The following SIK3 variants were observed in gnomAD, a reference collection of about 807,000 sequenced individuals.
SIK3 encodes SIK family kinase 3, also known as serine/threonine-protein kinase SIK3.
In SIK3, 28 loss-of-function variants were observed where a neutral mutation model predicts 144.2. The observed-to-expected ratio is 0.19, with a 90% CI of 0.14 to 0.27. The LOEUF (loss-of-function observed/expected upper bound fraction) is 0.27, where lower values mean the gene tolerates loss of function less well. Ranked by LOEUF, SIK3 falls within the 10% of genes least tolerant of loss-of-function variation. The pLI is 1.00. For synonymous variants in SIK3, 686 were observed against 676.3 expected, an observed-to-expected ratio of 1.01 and a Z score of -0.22; for missense variants, 1,319 against 1,776.0, an observed-to-expected ratio of 0.74 and a Z score of 4.62.
At chr11:117,023,586 AAAC>A in intron 1 of SIK3, among the ~76,000 whole-genome samples, 1 of 22,532 alleles carries the variant, frequency 4.4e-5, no homozygotes, top group Non-Finnish European at 1.0e-4. Flanking sequence ...TCTTAAAAAC[AAAC>A]AAACAAACAA....
At chr11:117,001,480 T>C (rs1194103945) in intron 1 of SIK3, among the ~76,000 whole-genome samples, 1 of 150,968 alleles carries the variant, frequency 6.6e-6, no homozygotes, top group African/African-American at 2.4e-5. Flanking sequence ...CACTCCAGCC[T>C]GGGCAACACA....
chr11:117,002,741 A>C (rs1300051206), intron 1 of SIK3, among the ~76,000 whole-genome samples: 2 of 152,232 alleles, frequency 1.3e-5, no homozygotes, highest in African/African-American at 4.8e-5. Flanking sequence ...TGTCACTAGC[A>C]GTTCTTTTAT....
intron 6 of SIK3, among the ~76,000 whole-genome samples, chr11:116,877,870 T>C (rs1944338626): frequency 6.6e-6 from 1 of 152,230 alleles, no homozygotes; most frequent in Non-Finnish European, 1.5e-5. Context: ...TATTGATGCA[T>C]CTTCTGAGCA....
intron 1 of SIK3, among the ~76,000 whole-genome samples, chr11:117,049,649 T>C (rs1343187828): frequency 2.0e-5 from 3 of 152,066 alleles, no homozygotes; most frequent in Non-Finnish European, 4.4e-5. Flanking sequence ...GAAAATTTTA[T>C]TCAAAATAGA....
intron 21 of SIK3, among the ~76,000 whole-genome samples, chr11:116,854,472 C>T (rs1591373806): frequency 6.6e-6 from 1 of 152,234 alleles, no homozygotes; most frequent in East Asian, 1.9e-4. Context: ...GCACTCAGTA[C>T]CTAGCACTTC....
chr11:117,090,388 A>G (rs1955191271), intron 1 of SIK3, among the ~76,000 whole-genome samples: 1 of 141,068 alleles, frequency 7.1e-6, no homozygotes. Flanking sequence ...AGGATAATGA[A>G]AAAAAAAAAA....
intron 3 of SIK3, among the ~76,000 whole-genome samples, chr11:116,947,262 TTA>T (rs200671503): frequency 3.0e-5 from 3 of 100,392 alleles, no homozygotes; most frequent in Non-Finnish European, 4.2e-5. Flanking sequence ...TATTTATATA[TTA>T]TATATATATA....
At chr11:117,081,155 T>C (rs1208635391) in intron 1 of SIK3, among the ~76,000 whole-genome samples, 1 of 152,026 alleles carries the variant, frequency 6.6e-6, no homozygotes, top group Admixed American at 6.6e-5. Flanking sequence ...CCTTTTTTAA[T>C]TAAAAAAAAT....
In SIK3 at chr11:117,098,177, AC is replaced by A; in HGVS notation, c.238del (p.Val80SerfsTer18). The A allele has an allele frequency of 1.3e-6, 2 of 1,515,222 alleles. No homozygotes were observed. 93.9% of individuals were successfully genotyped at this position (1,515,222 alleles called of 1,614,324 possible). ...RTIGKGNFAV[V>X]KRATHLVTKA... ...GGTGACGAGGTGCGTGGCCCGCTTGACCACCGCGAAGTTGCCCTTGCCGATG... is the reference window on the plus strand; with the variant it reads ...GGTGACGAGGTGCGTGGCCCGCTTGACACCGCGAAGTTGCCCTTGCCGATG... On this transcript the variant is annotated frameshift_variant, in exon 1 of 25. Transcript: ENST00000445177. LOFTEE classifies it high-confidence loss of function.
At position 116,875,447 on chromosome 11, in the gene SIK3, T is replaced by G; in HGVS notation, c.1244A>C (p.Glu415Ala). 6.2e-7 allele frequency: 1 copy of G among 1,614,092 alleles called. No homozygotes were observed. Among genetic ancestry groups the G allele is most frequent in the Non-Finnish European group, 8.5e-7 (1 of 1,180,000 alleles). The change falls in exon 10 of 25, where the codon GAG (glutamate) becomes GCG (alanine). Residue 415 changes from glutamate to alanine, a missense_variant. Transcript: ENST00000445177. ...AFQAPVNIQA[E>A]QAGTAMNISV... is the part of the protein sequence containing the mutation. Reference sequence around the variant, plus strand: ...GATGTTCATAGCAGTACCTGCCTGCTCCGCCTGGAAAGCAGTACATACATA... The same window carrying G: ...GATGTTCATAGCAGTACCTGCCTGCGCCGCCTGGAAAGCAGTACATACATA...
At chr11:116,913,604 A>G (rs538057138) in intron 4 of SIK3, among the ~76,000 whole-genome samples, 28 of 152,254 alleles carry the variant, frequency 1.8e-4, no homozygotes, top group African/African-American at 5.3e-4. Flanking sequence ...CAACACATGC[A>G]AACAGTACTC....
At chr11:117,027,917 C>T (rs935593617) in intron 1 of SIK3, among the ~76,000 whole-genome samples, 1 of 152,172 alleles carries the variant, frequency 6.6e-6, no homozygotes, top group South Asian at 2.1e-4. Flanking sequence ...TTGATGAGTA[C>T]GTCTACCCAA....
chr11:116,914,760 T>A (rs144182756), intron 4 of SIK3, among the ~76,000 whole-genome samples: 88 of 152,314 alleles, frequency 5.8e-4, no homozygotes, highest in African/African-American at 1.7e-3. Flanking sequence ...CTCAATCTGA[T>A]CAAGAAAACC....
chr11:116,976,842 C>T (rs1949962911), intron 1 of SIK3, among the ~76,000 whole-genome samples: 1 of 152,076 alleles, frequency 6.6e-6, no homozygotes, highest in African/African-American at 2.4e-5. Flanking sequence ...TCACAATAAA[C>T]TATCAAATTA....
intron 1 of SIK3, among the ~76,000 whole-genome samples, chr11:116,961,286 G>T (rs1949340219): frequency 6.6e-6 from 1 of 152,132 alleles, no homozygotes; most frequent in African/African-American, 2.4e-5. Flanking sequence ...ACAGGGAAAG[G>T]AACTCAGCTC....
intron 1 of SIK3, among the ~76,000 whole-genome samples, chr11:116,988,131 G>A (rs1268534207): frequency 2.0e-5 from 3 of 152,148 alleles, no homozygotes; most frequent in African/African-American, 4.8e-5. Flanking sequence ...ATGCAGTAAC[G>A]CCTGTAATCT....
intron 18 of SIK3, 48 bp from the exon 19 acceptor site, chr11:116,861,431 G>A (rs780482331): frequency 1.2e-4 from 160 of 1,368,546 alleles, no homozygotes; most frequent in Middle Eastern, 2.0e-4. Context: ...TAAGGTGACA[G>A]TACAATCTTA....
intron 1 of SIK3, among the ~76,000 whole-genome samples, chr11:117,031,687 ATTTTTTTTTT>A (rs57524562): frequency 6.9e-4 from 56 of 81,534 alleles, no homozygotes; most frequent in African/African-American, 2.8e-3. Flanking sequence ...CACCCGGCTA[ATTTTTTTTTT>A]TTTTTTTTTT....
intron 1 of SIK3, among the ~76,000 whole-genome samples, chr11:117,060,048 C>A (rs1953723060): frequency 6.6e-6 from 1 of 152,138 alleles, no homozygotes; most frequent in Non-Finnish European, 1.5e-5. Flanking sequence ...AACCTGCAGA[C>A]AGATGTTTAT....
Sources: allele counts gnomAD v4.1 joint callset (sites outside exome capture counted in the v4.1 genomes callset), GRCh38; gene constraint gnomAD v4.1.1; transcripts MANE v1.5; gene names NCBI Gene and HGNC (gene_info 2026-07-23, HGNC 2026-07-21).